NKAIN2: variants seen among roughly 807,000 people sequenced by gnomAD.
The protein encoded by NKAIN2 is sodium/potassium transporting ATPase interacting 2.
A neutral mutation model predicts 32.6 loss-of-function variants in NKAIN2; 14 were observed. The ratio of observed to expected loss-of-function variants is 0.43; its 90% confidence interval spans 0.28 to 0.67. NKAIN2 has a LOEUF of 0.67. Ranked by LOEUF, NKAIN2 falls within the 30% of genes least tolerant of loss-of-function variation. NKAIN2 has a pLI of 0.17. For missense variants in NKAIN2, 198 were observed against 258.3 expected (o/e 0.77, Z 1.60); for synonymous variants, 80 against 87.2 (o/e 0.92, Z 0.46).
intron 1 of NKAIN2, among the ~76,000 whole-genome samples, chr6:124,159,760 C>T (rs181467714): frequency 1.8e-3 from 273 of 152,170 alleles, no homozygotes; most frequent in Non-Finnish European, 3.1e-3. Flanking sequence ...AACCCAAGCG[C>T]AAGAGGCTAC....
chr6:124,366,903 G>A (rs532605341), intron 3 of NKAIN2, among the ~76,000 whole-genome samples: 2 of 149,486 alleles, frequency 1.3e-5, no homozygotes, highest in African/African-American at 5.0e-5. Flanking sequence ...ACTCCAGCCT[G>A]GGTGACAGAG....
At chr6:124,617,829 G>T (rs1476521105) in intron 3 of NKAIN2, among the ~76,000 whole-genome samples, 1 of 152,078 alleles carries the variant, frequency 6.6e-6, no homozygotes, top group African/African-American at 2.4e-5. Context: ...AAATTAGTTT[G>T]ATAAAATATT....
At chr6:124,089,519 G>A (rs1185881346) in intron 1 of NKAIN2, among the ~76,000 whole-genome samples, 2 of 151,846 alleles carry the variant, frequency 1.3e-5, no homozygotes, top group Non-Finnish European at 2.9e-5. Context: ...CACCAGTAGA[G>A]CATACATTTT....
chr6:124,349,352 G>A (rs62434725), intron 2 of NKAIN2, among the ~76,000 whole-genome samples: 2 of 152,000 alleles, frequency 1.3e-5, no homozygotes, highest in Admixed American at 6.6e-5. Context: ...TGCACAGGCC[G>A]GTTGGGTATT....
At chr6:124,173,769 G>T (rs1789017950) in intron 1 of NKAIN2, among the ~76,000 whole-genome samples, 1 of 151,884 alleles carries the variant, frequency 6.6e-6, no homozygotes, top group Non-Finnish European at 1.5e-5. Flanking sequence ...CATCATTTTT[G>T]AAAGTTTTTT....
intron 1 of NKAIN2, among the ~76,000 whole-genome samples, chr6:124,251,880 A>G (rs1188395277): frequency 6.6e-6 from 1 of 152,084 alleles, no homozygotes; most frequent in African/African-American, 2.4e-5. Context: ...TGTAAAACCT[A>G]TAGAAATTTT....
intron 3 of NKAIN2, among the ~76,000 whole-genome samples, chr6:124,521,903 T>G (rs952158076): frequency 1.3e-5 from 2 of 152,156 alleles, no homozygotes; most frequent in Non-Finnish European, 2.9e-5. Flanking sequence ...TGGATATATA[T>G]TTTCCTATCC....
chr6:123,941,315 C>T (rs138834610), intron 1 of NKAIN2, among the ~76,000 whole-genome samples: 1 of 151,674 alleles, frequency 6.6e-6, no homozygotes, highest in East Asian at 1.9e-4. Flanking sequence ...TCTAAAATTA[C>T]AATAAATTAT....
chr6:124,684,437 A>G (rs1773764570), intron 4 of NKAIN2, among the ~76,000 whole-genome samples: 1 of 152,176 alleles, frequency 6.6e-6, no homozygotes, highest in Admixed American at 6.6e-5. Flanking sequence ...TTTTTAAACA[A>G]CTTCTCCAGA....
At chr6:124,476,095 T>TGCGC (rs1220307231) in intron 3 of NKAIN2, among the ~76,000 whole-genome samples, 2 of 142,358 alleles carry the variant, frequency 1.4e-5, no homozygotes, top group African/African-American at 5.3e-5. Context: ...TGTGTGTGTG[T>TGCGC]GTGCGTGCGC....
chr6:124,102,300 G>A (rs1410015025), intron 1 of NKAIN2, among the ~76,000 whole-genome samples: 1 of 152,194 alleles, frequency 6.6e-6, no homozygotes. Context: ...TAAACTAGGT[G>A]CTCACTATTG....
chr6:124,206,601 T>G (rs183012431), intron 1 of NKAIN2, among the ~76,000 whole-genome samples: 2 of 152,044 alleles, frequency 1.3e-5, no homozygotes, highest in Admixed American at 6.6e-5. Context: ...CCCCCTGAAC[T>G]TGAATCATCA....
chr6:124,182,656 A>G (rs1038098509), intron 1 of NKAIN2, among the ~76,000 whole-genome samples: 3 of 152,192 alleles, frequency 2.0e-5, no homozygotes, highest in African/African-American at 7.2e-5. Flanking sequence ...TACCCTGAAC[A>G]TTTTGAGAGT....
At chr6:124,579,561 A>G (rs1781450580) in intron 3 of NKAIN2, among the ~76,000 whole-genome samples, 1 of 152,220 alleles carries the variant, frequency 6.6e-6, no homozygotes, top group African/African-American at 2.4e-5. Flanking sequence ...AGACAAAAGA[A>G]TTAAGCCCAC....
At position 124,248,405 on chromosome 6, in the gene NKAIN2, T is replaced by C. The variant is rs528554627; in HGVS notation, c.55-34600T>C. ...CCCTGTGTTTGTTTTATGTCTTCCT[T>C]CCCCCCCACCGAACCTTTTCCCAAA... On this transcript the variant is annotated intron_variant, in intron 1 of 6. Coordinates refer to ENST00000368417, the MANE Select transcript of NKAIN2 (RefSeq NM_001040214.3). Among the ~76,000 whole-genome samples, 15 of 151,950 alleles carry C rather than the reference T, an allele frequency of 9.9e-5. No homozygotes were observed. In the East Asian group the frequency reaches 2.1e-3, roughly 22 times the overall value.
chr6:124,641,758 C>T (rs1174472116), intron 3 of NKAIN2, among the ~76,000 whole-genome samples: 3 of 151,646 alleles, frequency 2.0e-5, no homozygotes, highest in African/African-American at 7.3e-5. Flanking sequence ...TGGGATTTCA[C>T]CACTGTGGCC....
chr6:124,396,058 C>G (rs1773363958), intron 3 of NKAIN2, among the ~76,000 whole-genome samples: 1 of 152,032 alleles, frequency 6.6e-6, no homozygotes, highest in Non-Finnish European at 1.5e-5. Context: ...TTCCATGGTA[C>G]TTTGCATTTA....
At chr6:124,721,139 G>C (rs1287960153) in intron 4 of NKAIN2, among the ~76,000 whole-genome samples, 1 of 152,104 alleles carries the variant, frequency 6.6e-6, no homozygotes, top group East Asian at 1.9e-4. Flanking sequence ...AACGTTGGCC[G>C]GGCGCGGTGG....
chr6:124,423,642 G>C (rs1176928521), intron 3 of NKAIN2, among the ~76,000 whole-genome samples: 1 of 152,206 alleles, frequency 6.6e-6, no homozygotes, highest in Admixed American at 6.5e-5. Context: ...TAATTCATGA[G>C]GGGGCAGAGC....
Sources: allele counts gnomAD v4.1 joint callset (sites outside exome capture counted in the v4.1 genomes callset), GRCh38; gene constraint gnomAD v4.1.1; transcripts MANE v1.5; gene names NCBI Gene and HGNC (gene_info 2026-07-23, HGNC 2026-07-21).